Variants in OPCML observed in about 807,000 individuals in gnomAD.
OPCML encodes opioid binding protein/cell adhesion molecule like.
OPCML carries 13 observed loss-of-function variants against 37.8 expected under a neutral mutation model. The observed-to-expected ratio is 0.34, with a 90% CI of 0.22 to 0.55. OPCML has a LOEUF of 0.55. Among genes scored for constraint, OPCML ranks in the 20% least tolerant of loss-of-function variants. OPCML has a pLI of 0.91. For missense variants in OPCML, 341 were observed against 435.6 expected, an observed-to-expected ratio of 0.78 and a Z score of 1.93; for synonymous variants, 176 against 168.8, an observed-to-expected ratio of 1.04 and a Z score of -0.33.
rs1012648657 is a variant in OPCML at position 133,083,261 on chromosome 11, G to C, written c.62-140251C>G. Among the ~76,000 whole-genome samples the C allele has an allele frequency of 1.6e-4, 25 of 152,276 alleles. 1 individual carries two copies. Among genetic ancestry groups the C allele is most frequent in the Admixed American group, 1.2e-3 (19 of 15,302 alleles). Reference sequence around the variant, plus strand: ...GGCGGGAGCGGGAGCCGCGGGCTTTGCCTGAGCCGGGCGCGCGCTGTGGTC... The same window carrying C: ...GGCGGGAGCGGGAGCCGCGGGCTTTCCCTGAGCCGGGCGCGCGCTGTGGTC... On this transcript the variant is annotated intron_variant, in intron 1 of 7. Coordinates refer to ENST00000524381, the MANE Select transcript of OPCML (RefSeq NM_001012393.5).
At chr11:133,188,454 T>C (rs1419991146) in intron 1 of OPCML, among the ~76,000 whole-genome samples, 1 of 152,116 alleles carries the variant, frequency 6.6e-6, no homozygotes, top group Non-Finnish European at 1.5e-5. Flanking sequence ...TCCACATTGT[T>C]ACAGGTTAAT....
chr11:132,795,001 C>T (rs188409649), intron 2 of OPCML, among the ~76,000 whole-genome samples: 7 of 150,562 alleles, frequency 4.6e-5, no homozygotes, highest in East Asian at 2.0e-4. Flanking sequence ...ATAATAAAAA[C>T]GTGAGTGAAA....
At chr11:133,244,738 C>T (rs1335826965) in intron 1 of OPCML, among the ~76,000 whole-genome samples, 1 of 152,116 alleles carries the variant, frequency 6.6e-6, no homozygotes, top group African/African-American at 2.4e-5. Context: ...GAGGACTGTG[C>T]CTGCTTACAC....
chr11:132,978,838 C>G (rs1190659674), intron 1 of OPCML, among the ~76,000 whole-genome samples: 1 of 152,082 alleles, frequency 6.6e-6, no homozygotes, highest in Non-Finnish European at 1.5e-5. Flanking sequence ...CACACGTATA[C>G]ACATCTCTTT....
chr11:133,167,979 T>C (rs1027789763), intron 1 of OPCML, among the ~76,000 whole-genome samples: 10 of 152,196 alleles, frequency 6.6e-5, no homozygotes, highest in African/African-American at 2.4e-4. Context: ...CCCCTTAGGG[T>C]GTTAGGTTCA....
intron 7 of OPCML, among the ~76,000 whole-genome samples, chr11:132,424,461 A>T (rs771999969): frequency 3.9e-5 from 6 of 152,122 alleles, no homozygotes; most frequent in Non-Finnish European, 4.4e-5. Flanking sequence ...CAGAAAACTG[A>T]TGCTAAAATG....
chr11:132,510,839 A>T (rs1019191128), intron 4 of OPCML, among the ~76,000 whole-genome samples: 1 of 152,182 alleles, frequency 6.6e-6, no homozygotes, highest in African/African-American at 2.4e-5. Flanking sequence ...TCTGATAAAG[A>T]TCATCTGTAA....
At chr11:133,008,681 T>A (rs1947158562) in intron 1 of OPCML, among the ~76,000 whole-genome samples, 2 of 152,196 alleles carry the variant, frequency 1.3e-5, no homozygotes, top group Non-Finnish European at 2.9e-5. Flanking sequence ...TGGTGGCAAC[T>A]TTGAAGGCCA....
chr11:133,243,161 T>C (rs965303054), intron 1 of OPCML, among the ~76,000 whole-genome samples: 2 of 152,184 alleles, frequency 1.3e-5, no homozygotes, highest in African/African-American at 4.8e-5. Flanking sequence ...GCAAACAAGA[T>C]ATTCTTGAGA....
chr11:133,375,117 C>T (rs576334129), intron 1 of OPCML, among the ~76,000 whole-genome samples: 31 of 152,306 alleles, frequency 2.0e-4, no homozygotes, highest in African/African-American at 6.3e-4. Flanking sequence ...TATTCCAGTT[C>T]TGCTCCCCAC....
rs763755812 is a variant in OPCML, at chr11:133,426,978, T to C, written c.61+105286A>G. 1.6e-4 allele frequency among the ~76,000 whole-genome samples: 24 copies of C among 152,150 alleles called. 1 individual carries two copies. Among genetic ancestry groups the C allele is most frequent in the Admixed American group, 2.0e-4 (3 of 15,270 alleles). Reference sequence around the variant, plus strand: ...TATGCAAAAAATATAAAAATCAGTGTAGAAAGTAAAGCAAACAAACTGTTG... The same window carrying C: ...TATGCAAAAAATATAAAAATCAGTGCAGAAAGTAAAGCAAACAAACTGTTG... On this transcript the variant is annotated intron_variant, in intron 1 of 7. Coordinates refer to ENST00000524381, the MANE Select transcript of OPCML (RefSeq NM_001012393.5).
At chr11:132,906,860 G>A (rs1944259709) in intron 2 of OPCML, among the ~76,000 whole-genome samples, 1 of 152,232 alleles carries the variant, frequency 6.6e-6, no homozygotes, top group Admixed American at 6.5e-5. Flanking sequence ...CAACCAGAGT[G>A]AGGCTGGTTG....
chr11:132,895,691 T>C (rs1943811910), intron 2 of OPCML, among the ~76,000 whole-genome samples: 1 of 152,170 alleles, frequency 6.6e-6, no homozygotes, highest in Non-Finnish European at 1.5e-5. Flanking sequence ...CACAATAGTA[T>C]AGGGTTTTCC....
intron 1 of OPCML, among the ~76,000 whole-genome samples, chr11:133,366,945 C>A (rs117776919): frequency 6.6e-5 from 10 of 152,070 alleles, no homozygotes; most frequent in Non-Finnish European, 4.4e-5. Flanking sequence ...CTTCACTCAC[C>A]CCTCATGTCT....
intron 1 of OPCML, among the ~76,000 whole-genome samples, chr11:133,515,512 C>T (rs1302678734): frequency 6.6e-6 from 1 of 152,112 alleles, no homozygotes; most frequent in East Asian, 1.9e-4. Flanking sequence ...AAAGCCATGC[C>T]ATAGGGATAA....
intron 2 of OPCML, among the ~76,000 whole-genome samples, chr11:132,744,982 A>G (rs1939500): frequency 0.5 from 74,810 of 151,104 alleles, 19,871 homozygotes; most frequent in Non-Finnish European, 0.59. Flanking sequence ...TTCGGGATAT[A>G]GCAGAGCAGG....
intron 2 of OPCML, among the ~76,000 whole-genome samples, chr11:132,934,217 A>C (rs1945297867): frequency 6.6e-6 from 1 of 152,168 alleles, no homozygotes; most frequent in Non-Finnish European, 1.5e-5. Flanking sequence ...GGCCAGTCAG[A>C]GCGGGGTTAA....
chr11:132,664,270 T>A (rs1942126998), intron 2 of OPCML, among the ~76,000 whole-genome samples: 1 of 152,142 alleles, frequency 6.6e-6, no homozygotes, highest in Non-Finnish European at 1.5e-5. Context: ...AGTTTTTTTT[T>A]AATAGTTACC....
intron 1 of OPCML, among the ~76,000 whole-genome samples, chr11:133,125,280 TAATCA>T (rs1392713099): frequency 6.6e-6 from 1 of 152,090 alleles, no homozygotes; most frequent in Admixed American, 6.5e-5. Flanking sequence ...TGTGGTTAAT[TAATCA>T]AAGCCATTCC....
Sources: gnomAD v4.1 joint callset for allele counts (sites outside exome capture counted in the v4.1 genomes callset) on GRCh38, gnomAD v4.1.1 for gene constraint, MANE v1.5 for transcripts, NCBI Gene and HGNC (gene_info 2026-07-23, HGNC 2026-07-21) for gene names.